Variants in SLF1 observed in about 807,000 individuals in gnomAD.
SLF1 encodes the protein SMC5/6 complex localization factor 1, also known as SMC5-SMC6 complex localization factor protein 1.
A neutral mutation model predicts 123.0 loss-of-function variants in SLF1; 105 were observed. The ratio of observed to expected loss-of-function variants is 0.85; its 90% CI spans 0.73 to 1.00. The LOEUF (loss-of-function observed/expected upper bound fraction) is 1.00, where lower values mean the gene tolerates loss of function less well. SLF1 is among the 50% of genes least tolerant of loss of function. The pLI is 0.00. For missense variants in SLF1, 1,239 were observed against 1,223.0 expected (o/e 1.01, Z -0.20); for synonymous variants, 434 against 406.6 (o/e 1.07, Z -0.81).
At chr5:94,626,271 G>A (rs1255513145) in intron 1 of SLF1, among the ~76,000 whole-genome samples, 16 of 149,014 alleles carry the variant, frequency 1.1e-4, no homozygotes, top group Non-Finnish European at 1.9e-4. Flanking sequence ...AAAAAAAAAA[G>A]TAATTGGATG....
At chr5:94,643,804 C>T (rs1442982262) in intron 5 of SLF1, among the ~76,000 whole-genome samples, 1 of 152,104 alleles carries the variant, frequency 6.6e-6, no homozygotes, top group Non-Finnish European at 1.5e-5. Context: ...CTACATCCTC[C>T]TCCTTACTTG....
intron 5 of SLF1, among the ~76,000 whole-genome samples, chr5:94,646,930 T>C (rs1020394436): frequency 6.6e-6 from 1 of 152,216 alleles, no homozygotes; most frequent in African/African-American, 2.4e-5. Flanking sequence ...TTTTACATGC[T>C]TAGTCATATT....
chr5:94,638,242 G>A (rs548679416), intron 4 of SLF1, among the ~76,000 whole-genome samples: 3 of 151,948 alleles, frequency 2.0e-5, no homozygotes, highest in East Asian at 3.9e-4. Context: ...GCAGTGGCGC[G>A]ATCTCAGCTC....
chr5:94,663,659 A>G, intron 10 of SLF1, 91 bp from the exon 11 acceptor site: 1 of 1,109,778 alleles, frequency 9.0e-7, no homozygotes, highest in Non-Finnish European at 1.3e-6. Context: ...GAATGAATGA[A>G]TAAATAAATA....
At chr5:94,620,857 A>C (rs142368672) in intron 1 of SLF1, among the ~76,000 whole-genome samples, 78 of 152,290 alleles carry the variant, frequency 5.1e-4, no homozygotes, top group African/African-American at 1.8e-3. Flanking sequence ...TTTCTATCAA[A>C]ATTACTTTGA....
In SLF1 at chr5:94,696,630, G is replaced by A. The variant is rs994075979; in HGVS notation, c.*1318G>A. 11 of 151,724 alleles carry A rather than the reference G, an allele frequency of 7.3e-5. No individual in the cohort carries two copies. In the South Asian group the frequency reaches 1.2e-3, roughly 17 times the overall value. 9.4% of individuals were successfully genotyped at this position (151,724 alleles called of 1,614,324 possible). ...GCTTCTCCAGATGATGAATAAGAAC[G>A]TTTTTTATTCCAATGAGTACCTCTT... is the stretch of plus-strand genomic sequence containing the variant. On this transcript the variant is annotated 3_prime_UTR_variant, in exon 21 of 21. Transcript: ENST00000265140.
intron 8 of SLF1, among the ~76,000 whole-genome samples, chr5:94,653,873 T>C (rs2152480454): frequency 6.6e-6 from 1 of 151,294 alleles, no homozygotes; most frequent in Non-Finnish European, 1.5e-5. Context: ...TTTTTAACGA[T>C]CTAAACCATA....
chr5:94,626,073 GAA>G (rs1248330201), intron 1 of SLF1, among the ~76,000 whole-genome samples: 1 of 150,978 alleles, frequency 6.6e-6, no homozygotes, highest in Non-Finnish European at 1.5e-5. Flanking sequence ...CTAACACGGT[GAA>G]ACCCTGTCTC....
intron 18 of SLF1, chr5:94,691,361 A>C (rs568064616): frequency 4.0e-6 from 2 of 494,210 alleles, no homozygotes; most frequent in African/African-American, 4.0e-5. Flanking sequence ...GAACAGAAGC[A>C]GTATGGATTG....
intron 6 of SLF1, among the ~76,000 whole-genome samples, chr5:94,651,399 TAA>T (rs976879162): frequency 2.0e-5 from 3 of 152,198 alleles, no homozygotes; most frequent in African/African-American, 7.2e-5. Flanking sequence ...TATCCTTTTT[TAA>T]AAATAGCTAT....
rs1028759175 is a variant in SLF1 at position 94,670,199 on chromosome 5, T to C, written c.1581T>C (p.Ile527=). 1 of 1,537,216 alleles carries C rather than the reference T, an allele frequency of 6.5e-7. No homozygotes were observed. The highest frequency in any genetic ancestry group is 8.8e-7 in the Non-Finnish European group (1 of 1,141,924). ...ESFCHQISEN[I]GSKVLHLTLL... is the part of the protein sequence containing the mutation. ...TTTGTCATCAAATTTCAGAAAATATTGGCTCCAAGGTGCTCCACCTGACGC... is the reference window on the plus strand; with the variant it reads ...TTTGTCATCAAATTTCAGAAAATATCGGCTCCAAGGTGCTCCACCTGACGC... Residue 527 remains isoleucine, a synonymous_variant, in exon 13 of 21, where the codon ATT becomes ATC. Transcript: ENST00000265140.
rs533210901 is a variant in SLF1 at position 94,651,417 on chromosome 5, T to C, written c.739-285T>C. Reference sequence around the variant, plus strand: ...CCTTTTTTAAAAATAGCTATTTTGGTATAATGATTAAACAACATGATTTGT... The same window carrying C: ...CCTTTTTTAAAAATAGCTATTTTGGCATAATGATTAAACAACATGATTTGT... On this transcript the variant is annotated intron_variant, in intron 6 of 20. Transcript: ENST00000265140. Among the ~76,000 whole-genome samples, 8 of 152,336 alleles carry C rather than the reference T, an allele frequency of 5.3e-5. No individual in the cohort carries two copies. The South Asian group carries it at 1.7e-3, about 32-fold the overall frequency.
Position 94,676,073 on chromosome 5 carries a change from A to G in SLF1, c.1828-2735A>G, listed in dbSNP as rs556314066. On this transcript the variant is annotated intron_variant, in intron 14 of 20. Transcript: ENST00000265140. ...ATTTACTATACCCTTGAGATGGAGA[A>G]TACTTTCAGAAATCAAAATTTACCA... Among the ~76,000 whole-genome samples, 3 of 152,188 alleles carry G rather than the reference A, an allele frequency of 2.0e-5. No individual in the cohort carries two copies. In the South Asian group the frequency reaches 6.2e-4, roughly 32 times the overall value.
At chr5:94,638,628 A>G (rs1407657523) in intron 4 of SLF1, among the ~76,000 whole-genome samples, 2 of 152,182 alleles carry the variant, frequency 1.3e-5, no homozygotes, top group African/African-American at 4.8e-5. Flanking sequence ...TTTGCCCACA[A>G]TAGTAACCGT....
rs1477989192 is a variant in SLF1, at chr5:94,651,601, T to C, written c.739-101T>C. 1.3e-5 allele frequency: 12 copies of C among 952,202 alleles called. No individual in the cohort carries two copies. The Middle Eastern group carries it at 1.4e-3, about 113-fold the overall frequency. The allele number at this position is 952,202 out of a possible 1,614,324, so 59.0% of individuals were successfully genotyped here. A position where few individuals can be genotyped will look rare whatever the true frequency, so the allele number is the denominator to read the frequency against. On this transcript the variant is annotated intron_variant, in intron 6 of 20. Coordinates refer to ENST00000265140, the MANE Select transcript of SLF1 (RefSeq NM_032290.4). ...AACCTTGTATGTATATTTTACAAAA[T>C]CTATGTTCCTGGATGGGTTTTTCTT... is the stretch of plus-strand genomic sequence containing the variant.
intron 5 of SLF1, among the ~76,000 whole-genome samples, chr5:94,648,041 T>G (rs537571800): frequency 2.6e-5 from 4 of 152,194 alleles, no homozygotes; most frequent in Non-Finnish European, 4.4e-5. Context: ...GTATATGGGA[T>G]TAATTCATCC....
chr5:94,664,622 A>G (rs1255430274), intron 11 of SLF1, among the ~76,000 whole-genome samples: 3 of 152,222 alleles, frequency 2.0e-5, no homozygotes, highest in Admixed American at 6.5e-5. Flanking sequence ...AAGCTTTGTC[A>G]GGTATGTTAT....
Position 94,695,308 on chromosome 5 carries a change from CATG to C in SLF1, c.*3_*5del. ...ATGTGTCGGTCAGTCATGGAGTTTTCATGATGATGCTAGAAAGTATGGATTGAC... is the reference window on the plus strand; with the variant it reads ...ATGTGTCGGTCAGTCATGGAGTTTTCATGATGCTAGAAAGTATGGATTGAC... On this transcript the variant is annotated stop_lost and inframe_deletion, in exon 21 of 21. Coordinates refer to ENST00000265140, the MANE Select transcript of SLF1 (RefSeq NM_032290.4). 6.2e-7 allele frequency: 1 copy of C among 1,601,652 alleles called. No homozygotes were observed. Among genetic ancestry groups the C allele is most frequent in the Non-Finnish European group, 8.5e-7 (1 of 1,173,158 alleles).
intron 1 of SLF1, among the ~76,000 whole-genome samples, 157 bp from the exon 2 acceptor site, chr5:94,628,654 G>A (rs1010106805): frequency 2.0e-5 from 3 of 152,130 alleles, no homozygotes; most frequent in Non-Finnish European, 4.4e-5. Flanking sequence ...TCGTATATAA[G>A]TAATTTTAAT....
Sources: allele counts gnomAD v4.1 joint callset (sites outside exome capture counted in the v4.1 genomes callset), GRCh38; gene constraint gnomAD v4.1.1; transcripts MANE v1.5; gene names NCBI Gene and HGNC (gene_info 2026-07-23, HGNC 2026-07-21).